The following CD247 variants were observed in gnomAD, a reference collection of about 807,000 sequenced individuals.
CD247 encodes CD247 molecule, also known as T-cell surface glycoprotein CD3 zeta chain.
A neutral mutation model predicts 30.0 loss-of-function variants in CD247; 13 were observed. The observed-to-expected ratio is 0.43, with a 90% CI of 0.28 to 0.69. The LOEUF is 0.69. Ranked by LOEUF, CD247 falls within the 30% of genes least tolerant of loss-of-function variation. The probability of loss-of-function intolerance (pLI) is 0.16; values close to 1 mark genes in which losing one functional copy is unlikely to be tolerated. For synonymous variants in CD247, 72 were observed against 80.0 expected (o/e 0.90, Z 0.53); for missense variants, 193 against 212.6 (o/e 0.91, Z 0.57).
At chr1:167,490,184 G>T (rs1654386604) in intron 1 of CD247, among the ~76,000 whole-genome samples, 1 of 152,188 alleles carries the variant, frequency 6.6e-6, no homozygotes, top group African/African-American at 2.4e-5. Flanking sequence ...TGGAAGGCAC[G>T]GGGCCTGGCC....
chr1:167,440,363 A>T (rs1382021279), intron 2 of CD247: 2 of 455,762 alleles, frequency 4.4e-6, no homozygotes, highest in Non-Finnish European at 8.1e-6. Context: ...GCCTGAGTGT[A>T]AGCCCCTTTG....
intron 1 of CD247, among the ~76,000 whole-genome samples, chr1:167,491,569 A>G (rs1654452008): frequency 6.7e-6 from 1 of 150,220 alleles, no homozygotes; most frequent in African/African-American, 2.4e-5. Context: ...CTCCATCTCA[A>G]AAAAAAAAAA....
chr1:167,446,663 G>A (rs1445562647), intron 1 of CD247, among the ~76,000 whole-genome samples: 2 of 152,210 alleles, frequency 1.3e-5, no homozygotes, highest in Non-Finnish European at 2.9e-5. Flanking sequence ...AGCCCAGGAT[G>A]GGGATACCCA....
rs550396406 is a variant in CD247 at position 167,431,059 on chromosome 1, G to A, written c.*622C>T. The A allele has an allele frequency of 5.4e-5, 23 of 424,254 alleles. No homozygotes were observed. In the East Asian group the frequency reaches 7.6e-4, roughly 14 times the overall value. 26.3% of individuals were successfully genotyped at this position (424,254 alleles called of 1,614,324 possible). ...CAATGGTGCGGCACAGAGGCCTGAG[G>A]CAGGGAGGCTCCCGCTGCCCTCGCA... On this transcript the variant is annotated 3_prime_UTR_variant, in exon 8 of 8. Transcript: ENST00000362089.
intron 1 of CD247, among the ~76,000 whole-genome samples, chr1:167,511,567 C>T (rs903464244): frequency 3.9e-5 from 6 of 152,222 alleles, no homozygotes; most frequent in Non-Finnish European, 8.8e-5. Flanking sequence ...TATTAATAAC[C>T]TAATATTCAT....
At position 167,501,848 on chromosome 1, in the gene CD247, A is replaced by G. The variant is rs146944572; in HGVS notation, c.58+16560T>C. Among the ~76,000 whole-genome samples the G allele has an allele frequency of 3.6e-3, 550 of 152,342 alleles. 5 individuals are homozygous for G. The highest frequency in any genetic ancestry group is 0.013 in the African/African-American group (525 of 41,572). On this transcript the variant is annotated intron_variant, in intron 1 of 7. Transcript: ENST00000362089. ...TCAGACCACTGTATGTGGAGCCGAG[A>G]TGTCAGAGCTGGAGCAGAGAAGAGG... is the stretch of plus-strand genomic sequence containing the variant.
At chr1:167,475,282 CG>C (rs2102055344) in intron 1 of CD247, among the ~76,000 whole-genome samples, 1 of 152,276 alleles carries the variant, frequency 6.6e-6, no homozygotes, top group Non-Finnish European at 1.5e-5. Flanking sequence ...GATCAGCTCA[CG>C]GCTCTTCCTG....
At chr1:167,478,902 A>C (rs1653858933) in intron 1 of CD247, among the ~76,000 whole-genome samples, 1 of 152,250 alleles carries the variant, frequency 6.6e-6, no homozygotes, top group Non-Finnish European at 1.5e-5. Context: ...AAAATACCCC[A>C]AAATATTCAC....
At chr1:167,444,930 C>CT (rs748938948) in intron 1 of CD247, among the ~76,000 whole-genome samples, 3,310 of 144,420 alleles carry the variant, frequency 0.023, 57 homozygotes, top group Middle Eastern at 0.058. Context: ...AAATACGATA[C>CT]TTTTTTTTTT....
chr1:167,474,425 T>G (rs1653661762), intron 1 of CD247, among the ~76,000 whole-genome samples: 1 of 151,912 alleles, frequency 6.6e-6, no homozygotes, highest in Admixed American at 6.6e-5. Flanking sequence ...GGGAGAAAAA[T>G]TCTGCTTCTG....
chr1:167,506,533 T>G (rs1485987076), intron 1 of CD247, among the ~76,000 whole-genome samples: 1 of 151,870 alleles, frequency 6.6e-6, no homozygotes, highest in Non-Finnish European at 1.5e-5. Flanking sequence ...CTCTCTCTCT[T>G]TTTTATTTTT....
chr1:167,484,294 C>G (rs551575860), intron 1 of CD247, among the ~76,000 whole-genome samples: 60 of 152,336 alleles, frequency 3.9e-4, no homozygotes, highest in African/African-American at 1.4e-3. Context: ...GTTTCCTCCT[C>G]TTCCCTATAG....
intron 1 of CD247, among the ~76,000 whole-genome samples, chr1:167,441,356 C>T (rs2101997091): frequency 6.6e-6 from 1 of 152,314 alleles, no homozygotes; most frequent in East Asian, 1.9e-4. Flanking sequence ...CTCGGCTTCC[C>T]TTCCCTGTTC....
At position 167,504,099 on chromosome 1, in the gene CD247, G is replaced by C. The variant is rs35695553; in HGVS notation, c.58+14309C>G. ...GTGTATAGGCAATGCGGTTCATGGC[G>C]GGGGGAGCGAGGGCAGGCTGCCTGG... is the stretch of plus-strand genomic sequence containing the variant. On this transcript the variant is annotated intron_variant, in intron 1 of 7. Transcript: ENST00000362089. Among the ~76,000 whole-genome samples, 10 of 152,178 alleles carry C rather than the reference G, an allele frequency of 6.6e-5. No homozygotes were observed. The East Asian group carries it at 7.7e-4, about 12-fold the overall frequency.
intron 3 of CD247, 52 bp downstream of exon 3, chr1:167,439,292 G>C (rs1311483901): frequency 6.5e-7 from 1 of 1,545,444 alleles, no homozygotes; most frequent in Non-Finnish European, 9.0e-7. Flanking sequence ...CCCTAGGTCC[G>C]AGGAGGAGGC....
rs890042862 is a variant in CD247, at chr1:167,494,526, G to C, written c.58+23882C>G. ...ATGTCCTCACCCTGTCGACCTCATGGGGCTGCTGTGAGGGTCAGATGAGAA... is the reference window on the plus strand; with the variant it reads ...ATGTCCTCACCCTGTCGACCTCATGCGGCTGCTGTGAGGGTCAGATGAGAA... On this transcript the variant is annotated intron_variant, in intron 1 of 7. Transcript: ENST00000362089. This position sits in a 1 kb window ranked among gnomAD's most constrained non-coding sequence, Gnocchi z 7.3. Among the ~76,000 whole-genome samples, 1 of 152,120 alleles carries C rather than the reference G, an allele frequency of 6.6e-6. No homozygotes were observed. Among genetic ancestry groups the C allele is most frequent in the Non-Finnish European group, 1.5e-5 (1 of 68,030 alleles).
In CD247 at chr1:167,448,808, T is replaced by C. The variant is rs538550494; in HGVS notation, c.59-8041A>G. On this transcript the variant is annotated intron_variant, in intron 1 of 7. Coordinates refer to ENST00000362089, the MANE Select transcript of CD247 (RefSeq NM_198053.3). ...CCCAGGAGGTGGAGGTTGCAGTGAGTTGAGATAGCACCACTGCACTCCAGC... is the reference window on the plus strand; with the variant it reads ...CCCAGGAGGTGGAGGTTGCAGTGAGCTGAGATAGCACCACTGCACTCCAGC... Among the ~76,000 whole-genome samples, 5 of 152,074 alleles carry C rather than the reference T, an allele frequency of 3.3e-5. No individual in the cohort carries two copies. The East Asian group carries it at 9.7e-4, about 29-fold the overall frequency.
At position 167,440,730 on chromosome 1, in the gene CD247, G is replaced by C; in HGVS notation, c.96C>G (p.Cys32Trp). The change falls in exon 2 of 8, where the codon TGC becomes TGG. Residue 32 changes from cysteine to tryptophan, a missense_variant. Cys to Trp is a radical substitution (Grantham distance 215). Coordinates refer to ENST00000362089, the MANE Select transcript of CD247 (RefSeq NM_198053.3). ...QSFGLLDPKL[C>W]YLLDGILFIY... ...TGAAGAGGATTCCATCCAGCAGGTAGCAGAGTTTGGGATCCAGCAGGCCAA... is the reference window on the plus strand; with the variant it reads ...TGAAGAGGATTCCATCCAGCAGGTACCAGAGTTTGGGATCCAGCAGGCCAA... 6.2e-7 allele frequency: 1 copy of C among 1,613,782 alleles called. No homozygotes were observed. Among genetic ancestry groups the C allele is most frequent in the Non-Finnish European group, 8.5e-7 (1 of 1,179,874 alleles).
chr1:167,454,892 C>A (rs1261354904), intron 1 of CD247, among the ~76,000 whole-genome samples: 1 of 152,228 alleles, frequency 6.6e-6, no homozygotes, highest in Non-Finnish European at 1.5e-5. Context: ...CTCTGGGATC[C>A]GTCCTGCCGG....
Sources: gnomAD v4.1 joint callset for allele counts (sites outside exome capture counted in the v4.1 genomes callset) on GRCh38, gnomAD v4.1.1 for gene constraint, Gnocchi (gnomAD v3.1) non-coding constraint, MANE v1.5 for transcripts, NCBI Gene and HGNC (gene_info 2026-07-23, HGNC 2026-07-21) for gene names.